FGFR2: variants seen among roughly 807,000 people sequenced by gnomAD.
FGFR2 encodes fibroblast growth factor receptor 2.
In FGFR2, 19 loss-of-function variants were observed where a neutral mutation model predicts 95.9. The ratio of observed to expected loss-of-function variants is 0.20; its 90% confidence interval spans 0.14 to 0.29. FGFR2 has a LOEUF of 0.29. Among genes scored for constraint, FGFR2 ranks in the 10% least tolerant of loss-of-function variants. FGFR2 has a pLI of 1.00. For synonymous variants in FGFR2, 392 were observed against 393.3 expected (o/e 1.00, Z 0.04); for missense variants, 707 against 1,056.9 (o/e 0.67, Z 4.59).
intron 2 of FGFR2, 32 bp downstream of exon 2, chr10:121,593,677 A>G (rs756149822): frequency 7.5e-6 from 12 of 1,600,940 alleles, no homozygotes; most frequent in Non-Finnish European, 1.0e-5. Context: ...AAATCCCAAA[A>G]CAAACCTGAA....
intron 13 of FGFR2, among the ~76,000 whole-genome samples, chr10:121,495,787 G>C (rs978598535): frequency 1.3e-5 from 2 of 152,210 alleles, no homozygotes; most frequent in African/African-American, 4.8e-5. Flanking sequence ...ATGCAGGTAG[G>C]AGCAAGGCCC....
At chr10:121,548,283 A>C (rs1854858794) in intron 5 of FGFR2, among the ~76,000 whole-genome samples, 1 of 61,222 alleles carries the variant, frequency 1.6e-5, no homozygotes, top group Non-Finnish European at 3.7e-5. Context: ...TTTTTTTGGT[A>C]AAGCAAAATA....
At chr10:121,506,867 C>A (rs1250836417) in intron 9 of FGFR2, among the ~76,000 whole-genome samples, 2 of 152,124 alleles carry the variant, frequency 1.3e-5, no homozygotes, top group Non-Finnish European at 2.9e-5. Context: ...GTATGTAATT[C>A]TTTTATGTTC....
At chr10:121,505,978 C>T (rs530509922) in intron 9 of FGFR2, among the ~76,000 whole-genome samples, 1 of 152,236 alleles carries the variant, frequency 6.6e-6, no homozygotes, top group Admixed American at 6.5e-5. Context: ...GAAAGTTCTT[C>T]CCCATGAACA....
At position 121,593,750 on chromosome 10, in the gene FGFR2, G is replaced by T. The variant is rs774554190; in HGVS notation, c.68C>A (p.Pro23His). ...GGTATCCTCAACTAAACTGAAGGAG[G>T]GCCGGGCCAGGGACAAGGTTGCCAT... is the stretch of plus-strand genomic sequence containing the variant. ...VTMATLSLARPSFSLVEDTTL... is the reference protein window; with the variant it reads ...VTMATLSLARHSFSLVEDTTL... Residue 23 changes from proline to histidine, a missense_variant, in exon 2 of 18, where the codon CCC (proline) becomes CAC (histidine). Transcript: ENST00000358487. The T allele has an allele frequency of 6.2e-6, 10 of 1,614,042 alleles. No homozygotes were observed. Among genetic ancestry groups the T allele is most frequent in the South Asian group, 2.2e-5 (2 of 91,082 alleles).
rs775497340 is a variant in FGFR2, at chr10:121,593,913, C to T, written c.-96G>A. 1.7e-6 allele frequency: 2 copies of T among 1,157,260 alleles called. No homozygotes were observed. Among genetic ancestry groups the T allele is most frequent in the Non-Finnish European group, 2.6e-6 (2 of 770,312 alleles). 71.7% of individuals were successfully genotyped at this position (1,157,260 alleles called of 1,614,324 possible). ...CTACGGGCATGGACTACGCGCAATG[C>T]CTTCAGCCTGCGGTGGGCTCAGGAA... On this transcript the variant is annotated 5_prime_UTR_variant, in exon 2 of 18. Coordinates refer to ENST00000358487, the MANE Select transcript of FGFR2 (RefSeq NM_000141.5).
chr10:121,574,266 T>C (rs1751431919), intron 2 of FGFR2, among the ~76,000 whole-genome samples: 1 of 152,066 alleles, frequency 6.6e-6, no homozygotes, highest in African/African-American at 2.4e-5. Context: ...CGGTGGCTCA[T>C]GTCTGTAATA....
chr10:121,563,887 T>C (rs911328562), intron 4 of FGFR2, among the ~76,000 whole-genome samples: 5 of 152,190 alleles, frequency 3.3e-5, no homozygotes, highest in African/African-American at 1.2e-4. Context: ...TCAATCGTGG[T>C]CTACAAAGTA....
rs147938942 is a variant in FGFR2 at position 121,517,934 on chromosome 10, G to A, written c.940-471C>T. 19 of 373,888 alleles carry A rather than the reference G, an allele frequency of 5.1e-5. No homozygotes were observed. Among genetic ancestry groups the A allele is most frequent in the African/African-American group, 4.0e-4 (19 of 47,482 alleles). The allele number at this position is 373,888 out of a possible 1,614,324, so 23.2% of individuals were successfully genotyped here. A position where few individuals can be genotyped will look rare whatever the true frequency, so the allele number is the denominator to read the frequency against. On this transcript the variant is annotated intron_variant, in intron 7 of 17. Transcript: ENST00000358487. This position sits in a 1 kb window ranked among gnomAD's most constrained non-coding sequence, Gnocchi z 4.7. The stretch of plus-strand genomic sequence containing the variant: ...CTCACCCATCCTCCTGGCCCTGTGG[G>A]AACCAATTGGGGTGGAAGGTTGTCT...
chr10:121,504,729 G>T (rs1564890645), intron 9 of FGFR2, among the ~76,000 whole-genome samples: 1 of 151,978 alleles, frequency 6.6e-6, no homozygotes, highest in Non-Finnish European at 1.5e-5. Context: ...AGTACACAGG[G>T]CTCCACCGAG....
intron 8 of FGFR2, among the ~76,000 whole-genome samples, chr10:121,515,606 T>C (rs1053395410): frequency 6.6e-6 from 1 of 152,020 alleles, no homozygotes; most frequent in Non-Finnish European, 1.5e-5. Context: ...TTGTTAGACA[T>C]TTCAGTGGAG....
At chr10:121,538,328 C>A in intron 6 of FGFR2, 1 of 781,564 alleles carries the variant, frequency 1.3e-6, no homozygotes, top group South Asian at 1.3e-5. Flanking sequence ...TCCAAAATGT[C>A]AGACATTTCA....
At chr10:121,492,094 T>C (rs1846214692) in intron 13 of FGFR2, among the ~76,000 whole-genome samples, 2 of 147,740 alleles carry the variant, frequency 1.4e-5, no homozygotes, top group Non-Finnish European at 3.0e-5. Context: ...GAGAATCACT[T>C]GAACCCAGGA....
At chr10:121,535,189 CCAACA>C (rs754523839) in intron 6 of FGFR2, among the ~76,000 whole-genome samples, 2 of 152,078 alleles carry the variant, frequency 1.3e-5, no homozygotes, top group Non-Finnish European at 2.9e-5. Flanking sequence ...GTGGAACTTG[CCAACA>C]CCTTAATTTT....
At chr10:121,556,486 A>C (rs1205105190) in intron 4 of FGFR2, among the ~76,000 whole-genome samples, 1 of 151,658 alleles carries the variant, frequency 6.6e-6, no homozygotes, top group African/African-American at 2.4e-5. Flanking sequence ...GAAACATGGA[A>C]TCATATTACC....
intron 4 of FGFR2, among the ~76,000 whole-genome samples, chr10:121,564,090 A>C (rs1857332996): frequency 2.0e-5 from 3 of 152,186 alleles, no homozygotes; most frequent in South Asian, 2.1e-4. Context: ...ATATTGCCCA[A>C]TGTGCCGGGA....
chr10:121,512,591 C>T (rs943455030), intron 9 of FGFR2, among the ~76,000 whole-genome samples: 1 of 151,804 alleles, frequency 6.6e-6, no homozygotes, highest in African/African-American at 2.4e-5. Context: ...GTTGGAGTCT[C>T]GCTGTGTTGG....
intron 9 of FGFR2, among the ~76,000 whole-genome samples, chr10:121,509,233 C>A (rs1038399897): frequency 6.6e-6 from 1 of 152,098 alleles, no homozygotes; most frequent in Non-Finnish European, 1.5e-5. Flanking sequence ...AACACGAACA[C>A]TCTAGTAAAC....
intron 13 of FGFR2, among the ~76,000 whole-genome samples, chr10:121,490,702 G>A (rs1468502899): frequency 1.3e-5 from 2 of 152,112 alleles, no homozygotes; most frequent in South Asian, 2.1e-4. Context: ...CATTCAACAA[G>A]GCTGAAATGG....
Sources: gnomAD v4.1 joint callset for allele counts (sites outside exome capture counted in the v4.1 genomes callset) on GRCh38, gnomAD v4.1.1 for gene constraint, Gnocchi (gnomAD v3.1) non-coding constraint, MANE v1.5 for transcripts, NCBI Gene and HGNC (gene_info 2026-07-23, HGNC 2026-07-21) for gene names.